The following LY86 variants were observed in gnomAD, a reference collection of about 807,000 sequenced individuals.
The protein encoded by LY86 is MD-1, RP105-associated.
LY86 carries 20 observed loss-of-function variants against 17.3 expected under a neutral mutation model. The observed-to-expected ratio is 1.15, with a 90% CI of 0.81 to 1.68. LY86 has a LOEUF of 1.68. Ranked by LOEUF, LY86 falls within the 40% of genes most tolerant of loss-of-function variation. The pLI is 0.00. For missense variants in LY86, 200 were observed against 191.9 expected, an observed-to-expected ratio of 1.04 and a Z score of -0.25; for synonymous variants, 74 against 70.6, an observed-to-expected ratio of 1.05 and a Z score of -0.24.
intron 1 of LY86, among the ~76,000 whole-genome samples, chr6:6,605,767 T>TA (rs775137780): frequency 6.6e-6 from 1 of 152,256 alleles, no homozygotes; most frequent in Non-Finnish European, 1.5e-5. Context: ...TTATTCTTTC[T>TA]GATGCTGGGA....
chr6:6,601,138 A>G (rs73365347), intron 1 of LY86, among the ~76,000 whole-genome samples: 13,190 of 152,172 alleles, frequency 0.087, 1,590 homozygotes, highest in African/African-American at 0.27. Flanking sequence ...TTTTAGAGTC[A>G]ATAACAAAAA....
At chr6:6,605,854 G>T (rs559864746) in intron 1 of LY86, among the ~76,000 whole-genome samples, 1 of 151,782 alleles carries the variant, frequency 6.6e-6, no homozygotes, top group Non-Finnish European at 1.5e-5. Flanking sequence ...CAGCTCTTAA[G>T]GGGGCATCTG....
intron 1 of LY86, among the ~76,000 whole-genome samples, chr6:6,606,983 C>T (rs941178401): frequency 1.3e-5 from 2 of 152,276 alleles, no homozygotes; most frequent in East Asian, 1.9e-4. Context: ...CATGCTGTCA[C>T]CTCTCACTAC....
intron 3 of LY86, among the ~76,000 whole-genome samples, chr6:6,646,720 G>A (rs1157054716): frequency 2.6e-5 from 4 of 152,028 alleles, no homozygotes; most frequent in South Asian, 2.1e-4. Flanking sequence ...TTCCTTACTC[G>A]CCATAGATTC....
intron 3 of LY86, among the ~76,000 whole-genome samples, chr6:6,637,948 C>CA (rs1401313628): frequency 6.6e-6 from 1 of 152,120 alleles, no homozygotes; most frequent in Non-Finnish European, 1.5e-5. Flanking sequence ...GTAGGTGGAA[C>CA]AAAAAAACTT....
intron 3 of LY86, among the ~76,000 whole-genome samples, chr6:6,637,270 C>G (rs1169870395): frequency 6.6e-6 from 1 of 152,100 alleles, no homozygotes; most frequent in Non-Finnish European, 1.5e-5. Flanking sequence ...CTCGGCCTCC[C>G]AAAGTGCTGG....
rs564027687 is a variant in LY86 at position 6,613,566 on chromosome 6, C to T, written c.137-11360C>T. ...GTGCGGGGCCCGCCGATCCCACGCC[C>T]ACCGGGAACTCGCTCTGGCCCGCAA... On this transcript the variant is annotated intron_variant, in intron 1 of 4. Coordinates refer to ENST00000230568, the MANE Select transcript of LY86 (RefSeq NM_004271.4). Among the ~76,000 whole-genome samples, 129 of 152,342 alleles carry T rather than the reference C, an allele frequency of 8.5e-4. 2 individuals carry two copies. The highest frequency in any genetic ancestry group is 3.0e-3 in the African/African-American group (125 of 41,584).
In LY86 at chr6:6,637,003, G is replaced by GT. The variant is rs1401381507; in HGVS notation, c.352+10582_352+10583insT. Reference sequence around the variant, plus strand: ...TAAATGGAATGAAAGGAAGCATATTGGTTTTTTTTTTTTTTTTTTTTTAAT... The same window carrying GT: ...TAAATGGAATGAAAGGAAGCATATTGTGTTTTTTTTTTTTTTTTTTTTTAAT... On this transcript the variant is annotated intron_variant, in intron 3 of 4. Coordinates refer to ENST00000230568, the MANE Select transcript of LY86 (RefSeq NM_004271.4). Among the ~76,000 whole-genome samples, 28 of 113,894 alleles carry GT rather than the reference G, an allele frequency of 2.5e-4. 1 individual carries two copies. Among genetic ancestry groups the GT allele is most frequent in the East Asian group, 8.6e-4 (3 of 3,488 alleles). The allele number at this position is 113,894 out of a possible 152,430, so 74.7% of individuals were successfully genotyped here. A position where few individuals can be genotyped will look rare whatever the true frequency, so the allele number is the denominator to read the frequency against.
intron 1 of LY86, among the ~76,000 whole-genome samples, chr6:6,595,464 G>C (rs1304706199): frequency 6.6e-6 from 1 of 151,788 alleles, no homozygotes; most frequent in Non-Finnish European, 1.5e-5. Flanking sequence ...AAGAGAGGGA[G>C]AGGAAAGGAG....
chr6:6,598,121 C>A (rs1456592354), intron 1 of LY86, among the ~76,000 whole-genome samples: 1 of 152,210 alleles, frequency 6.6e-6, no homozygotes, highest in Non-Finnish European at 1.5e-5. Flanking sequence ...ACACTACTTA[C>A]ACAACTAGTA....
chr6:6,640,408 T>TAA (rs112988578), intron 3 of LY86, among the ~76,000 whole-genome samples: 3 of 145,726 alleles, frequency 2.1e-5, no homozygotes, highest in African/African-American at 7.6e-5. Context: ...AAAATAAAAA[T>TAA]AAAAAAAAAA....
chr6:6,598,598 T>TGCCTC (rs1468329069), intron 1 of LY86, among the ~76,000 whole-genome samples: 2 of 152,246 alleles, frequency 1.3e-5, no homozygotes, highest in Non-Finnish European at 2.9e-5. Flanking sequence ...AGACAATTTA[T>TGCCTC]GCCTCTTCCT....
chr6:6,638,816 AC>A (rs1328443675), intron 3 of LY86, among the ~76,000 whole-genome samples: 35 of 55,430 alleles, frequency 6.3e-4, no homozygotes, highest in Non-Finnish European at 8.4e-4. Flanking sequence ...CCCTCCCCCC[AC>A]CCCACAACAG....
At chr6:6,601,242 A>G (rs1358448746) in intron 1 of LY86, among the ~76,000 whole-genome samples, 6 of 152,084 alleles carry the variant, frequency 3.9e-5, no homozygotes, top group African/African-American at 9.7e-5. Context: ...CATTTGGGAG[A>G]AGCAGTGGTA....
At chr6:6,596,514 A>AT (rs1760718264) in intron 1 of LY86, among the ~76,000 whole-genome samples, 1 of 152,234 alleles carries the variant, frequency 6.6e-6, no homozygotes, top group Non-Finnish European at 1.5e-5. Flanking sequence ...ACAAGGATAT[A>AT]AAAGTATAAT....
intron 3 of LY86, among the ~76,000 whole-genome samples, chr6:6,634,288 T>A (rs1011191319): frequency 6.6e-6 from 1 of 152,268 alleles, no homozygotes; most frequent in Non-Finnish European, 1.5e-5. Flanking sequence ...TGACACCTTT[T>A]GCAATCTGAA....
In LY86 at chr6:6,596,073, T is replaced by C. The variant is rs139979304; in HGVS notation, c.136+7203T>C. On this transcript the variant is annotated intron_variant, in intron 1 of 4. Transcript: ENST00000230568. ...GGCTTCCCATGCTGCTGATGTTTGC[T>C]ACAGGGCAGGTGCTTTAGCTGACCC... 3.8e-3 allele frequency among the ~76,000 whole-genome samples: 577 copies of C among 152,352 alleles called. 5 individuals carry two copies. The highest frequency in any genetic ancestry group is 0.017 in the Middle Eastern group (5 of 294).
intron 3 of LY86, among the ~76,000 whole-genome samples, chr6:6,636,006 A>G (rs1357880900): frequency 6.6e-6 from 1 of 152,152 alleles, no homozygotes; most frequent in African/African-American, 2.4e-5. Flanking sequence ...GTGGTTCTCA[A>G]CCTTGAGCAG....
chr6:6,606,569 C>G (rs546440812), intron 1 of LY86, among the ~76,000 whole-genome samples: 7 of 152,152 alleles, frequency 4.6e-5, no homozygotes, highest in African/African-American at 7.2e-5. Context: ...GCCCACGGAG[C>G]GGGGGGAGGC....
Sources: allele counts gnomAD v4.1 joint callset (sites outside exome capture counted in the v4.1 genomes callset), GRCh38; gene constraint gnomAD v4.1.1; transcripts MANE v1.5; gene names NCBI Gene and HGNC (gene_info 2026-07-23, HGNC 2026-07-21).